Variants in HECTD2 observed in about 807,000 individuals in gnomAD.
The protein encoded by HECTD2 is HECT domain E3 ubiquitin protein ligase 2.
In HECTD2, 35 loss-of-function variants were observed where a neutral mutation model predicts 103.2. That is an observed-to-expected ratio of 0.34 (90% confidence interval 0.26 to 0.45). HECTD2 has a LOEUF of 0.45. HECTD2 is among the 20% of genes least tolerant of loss of function. The pLI is 1.00. For synonymous variants in HECTD2, 281 were observed against 329.9 expected (o/e 0.85, Z 1.61); for missense variants, 596 against 937.4 (o/e 0.64, Z 4.76).
intron 1 of HECTD2, among the ~76,000 whole-genome samples, chr10:91,424,336 A>C (rs986030925): frequency 1.3e-5 from 2 of 152,154 alleles, no homozygotes; most frequent in Non-Finnish European, 2.9e-5. Flanking sequence ...ATATGAGTGA[A>C]TTCTGAAAAG....
intron 7 of HECTD2, among the ~76,000 whole-genome samples, chr10:91,482,427 T>A (rs904650364): frequency 3.9e-5 from 6 of 151,970 alleles, no homozygotes; most frequent in Non-Finnish European, 8.8e-5. Flanking sequence ...AAGCTGTATG[T>A]GTTTCTCCCC....
chr10:91,478,149 C>T (rs1009076800), intron 5 of HECTD2, 52 bp from the exon 6 acceptor site: 35 of 1,143,580 alleles, frequency 3.1e-5, no homozygotes, highest in African/African-American at 3.1e-4. Context: ...AACATATAAA[C>T]GTCACCTAAT....
intron 1 of HECTD2, among the ~76,000 whole-genome samples, chr10:91,411,313 A>G (rs1305752526): frequency 2.0e-5 from 3 of 152,076 alleles, no homozygotes; most frequent in East Asian, 3.9e-4. Context: ...CTCTTTCCCT[A>G]TTTTTACTGG....
At chr10:91,498,434 T>G (rs1846768136) in intron 16 of HECTD2, among the ~76,000 whole-genome samples, 1 of 152,186 alleles carries the variant, frequency 6.6e-6, no homozygotes, top group African/African-American at 2.4e-5. Context: ...GTTGGTTACT[T>G]TCTCAGAGCT....
At chr10:91,444,485 C>T (rs767537333) in intron 2 of HECTD2, among the ~76,000 whole-genome samples, 1 of 152,184 alleles carries the variant, frequency 6.6e-6, no homozygotes, top group Non-Finnish European at 1.5e-5. Context: ...AGAATGTTAA[C>T]ACACTATGTT....
At chr10:91,449,401 A>G (rs1002148402) in intron 2 of HECTD2, among the ~76,000 whole-genome samples, 3 of 152,180 alleles carry the variant, frequency 2.0e-5, no homozygotes, top group African/African-American at 4.8e-5. Flanking sequence ...TTCTCAAAAT[A>G]ATAAGAACTA....
intron 1 of HECTD2, among the ~76,000 whole-genome samples, chr10:91,421,086 C>T (rs545891264): frequency 2.0e-5 from 3 of 152,052 alleles, no homozygotes; most frequent in Non-Finnish European, 4.4e-5. Context: ...CATCCTTGCT[C>T]ATTGCTTTCA....
At chr10:91,475,734 C>A (rs1845876980) in intron 5 of HECTD2, among the ~76,000 whole-genome samples, 1 of 152,170 alleles carries the variant, frequency 6.6e-6, no homozygotes, top group Admixed American at 6.5e-5. Context: ...AGACAACACA[C>A]TCAAATTGGT....
At chr10:91,457,562 T>G (rs1022794315) in intron 2 of HECTD2, among the ~76,000 whole-genome samples, 1 of 152,002 alleles carries the variant, frequency 6.6e-6, no homozygotes, top group Non-Finnish European at 1.5e-5. Context: ...AATGATTCCA[T>G]GCAGTAAAAT....
intron 5 of HECTD2, among the ~76,000 whole-genome samples, chr10:91,471,172 A>G (rs1845714307): frequency 6.6e-6 from 1 of 152,202 alleles, no homozygotes; most frequent in Non-Finnish European, 1.5e-5. Flanking sequence ...TTCATCCTAC[A>G]CATATCAATA....
chr10:91,505,912 T>C (rs1847143518), intron 20 of HECTD2, among the ~76,000 whole-genome samples: 2 of 152,072 alleles, frequency 1.3e-5, no homozygotes, highest in East Asian at 1.9e-4. Context: ...ACAGACACTA[T>C]AACAAACTAT....
At chr10:91,474,629 G>T (rs540978236) in intron 5 of HECTD2, among the ~76,000 whole-genome samples, 1 of 152,274 alleles carries the variant, frequency 6.6e-6, no homozygotes, top group African/African-American at 2.4e-5. Flanking sequence ...TAGTCAGTGA[G>T]TATGTATTGT....
rs75621038 is a variant in HECTD2 at position 91,465,910 on chromosome 10, C to A, written c.600+3726C>A. On this transcript the variant is annotated intron_variant, in intron 5 of 20. Transcript: ENST00000298068. ...CTATACTTTTCCTTTCTTGTAATAT[C>A]TTTCTCTTTTGAGCATTAGGTTAAT... Among the ~76,000 whole-genome samples the A allele has an allele frequency of 2.8e-3, 421 of 152,154 alleles. 2 individuals are homozygous for A. Among genetic ancestry groups the A allele is most frequent in the African/African-American group, 9.7e-3 (404 of 41,528 alleles).
intron 2 of HECTD2, among the ~76,000 whole-genome samples, chr10:91,431,484 T>C (rs960256241): frequency 1.1e-4 from 16 of 152,156 alleles, no homozygotes; most frequent in African/African-American, 3.9e-4. Flanking sequence ...TTTTCCAACT[T>C]GGTTCCATTC....
intron 20 of HECTD2, 46 bp downstream of exon 20, chr10:91,501,380 T>C (rs1846893400): frequency 8.6e-7 from 1 of 1,163,080 alleles, no homozygotes; most frequent in African/African-American, 1.6e-5. Flanking sequence ...AGGTTACTGC[T>C]AATACTGCTA....
chr10:91,504,951 G>C (rs949118471), intron 20 of HECTD2, among the ~76,000 whole-genome samples: 12 of 152,220 alleles, frequency 7.9e-5, no homozygotes, highest in Non-Finnish European at 1.6e-4. Context: ...CTACAAGCCA[G>C]AAGAGAGTGG....
chr10:91,449,953 C>G (rs1053431704), intron 2 of HECTD2, among the ~76,000 whole-genome samples: 4 of 152,090 alleles, frequency 2.6e-5, no homozygotes, highest in Admixed American at 6.5e-5. Context: ...GCCATACTGC[C>G]CAAAGTAATT....
chr10:91,432,029 G>A (rs1843904417), intron 2 of HECTD2, among the ~76,000 whole-genome samples: 1 of 151,870 alleles, frequency 6.6e-6, no homozygotes, highest in African/African-American at 2.4e-5. Context: ...AATTTTCCTA[G>A]CTGTTCTATC....
At chr10:91,421,200 C>T (rs1280048593) in intron 1 of HECTD2, among the ~76,000 whole-genome samples, 1 of 152,158 alleles carries the variant, frequency 6.6e-6, no homozygotes. Context: ...CATAGTTGCC[C>T]ATTTCCGTTA....
Sources: gnomAD v4.1 joint callset for allele counts (sites outside exome capture counted in the v4.1 genomes callset) on GRCh38, gnomAD v4.1.1 for gene constraint, MANE v1.5 for transcripts, NCBI Gene and HGNC (gene_info 2026-07-23, HGNC 2026-07-21) for gene names.